GTF2A1: variants seen among roughly 807,000 people sequenced by gnomAD.
GTF2A1 encodes the protein transcription initiation factor IIA subunit 1.
In GTF2A1, 12 loss-of-function variants were observed where a neutral mutation model predicts 54.1. The observed-to-expected ratio is 0.22, with a 90% CI of 0.14 to 0.36. The LOEUF (loss-of-function observed/expected upper bound fraction) is 0.36. GTF2A1 is among the 10% of genes least tolerant of loss of function. The pLI is 1.00. For synonymous variants in GTF2A1, 145 were observed against 152.0 expected, an observed-to-expected ratio of 0.95 and a Z score of 0.34; for missense variants, 335 against 442.2, an observed-to-expected ratio of 0.76 and a Z score of 2.17.
chr14:81,191,644 T>A (rs1435193171), intron 7 of GTF2A1, among the ~76,000 whole-genome samples: 1 of 152,086 alleles, frequency 6.6e-6, no homozygotes, highest in East Asian at 1.9e-4. Context: ...ATAAAAGCAA[T>A]TAATAATCAA....
chr14:81,218,819 G>A (rs1463945890), intron 1 of GTF2A1, among the ~76,000 whole-genome samples: 1 of 150,218 alleles, frequency 6.7e-6, no homozygotes, highest in Non-Finnish European at 1.5e-5. Flanking sequence ...CTAGTTTGCA[G>A]TCTGTCTCTT....
chr14:81,209,170 CAT>C (rs550381690), intron 2 of GTF2A1, among the ~76,000 whole-genome samples: 4 of 152,162 alleles, frequency 2.6e-5, no homozygotes, highest in African/African-American at 7.2e-5. Context: ...AGAATTCCCA[CAT>C]GTTGTGGGAG....
intron 2 of GTF2A1, among the ~76,000 whole-genome samples, chr14:81,205,906 A>G (rs1321370348): frequency 6.6e-6 from 1 of 152,198 alleles, no homozygotes; most frequent in Non-Finnish European, 1.5e-5. Context: ...AAAACACATT[A>G]TGACTAATGT....
chr14:81,216,861 C>T (rs954552878), intron 1 of GTF2A1, among the ~76,000 whole-genome samples: 5 of 152,150 alleles, frequency 3.3e-5, no homozygotes, highest in African/African-American at 1.2e-4. Flanking sequence ...TTGGTTTGAA[C>T]TCTGTTGTAT....
At chr14:81,203,230 C>T (rs1201704441) in intron 3 of GTF2A1, among the ~76,000 whole-genome samples, 2 of 152,300 alleles carry the variant, frequency 1.3e-5, no homozygotes, top group Non-Finnish European at 2.9e-5. Flanking sequence ...GAAACAGTAT[C>T]TATAAAATGA....
intron 7 of GTF2A1, among the ~76,000 whole-genome samples, chr14:81,187,701 A>G (rs954884035): frequency 6.6e-6 from 1 of 152,218 alleles, no homozygotes; most frequent in African/African-American, 2.4e-5. Context: ...CATTCTTCTT[A>G]TGGCTAAATA....
chr14:81,219,813 CTTT>C (rs561864246), intron 1 of GTF2A1, among the ~76,000 whole-genome samples: 1 of 152,110 alleles, frequency 6.6e-6, no homozygotes, highest in Non-Finnish European at 1.5e-5. Context: ...CCACTGCAGG[CTTT>C]TTTTGTTTGT....
chr14:81,214,689 T>A (rs1311406459), intron 2 of GTF2A1, among the ~76,000 whole-genome samples: 2 of 152,164 alleles, frequency 1.3e-5, no homozygotes, highest in Admixed American at 1.3e-4. Context: ...AGCTTTTCTG[T>A]ATGTGAATTA....
intron 2 of GTF2A1, chr14:81,210,016 C>CTACT: frequency 2.3e-6 from 1 of 433,060 alleles, no homozygotes; most frequent in Non-Finnish European, 4.2e-6. Flanking sequence ...ACATTTTCGG[C>CTACT]AGGACAATTC....
At chr14:81,196,916 A>T (rs976774286) in intron 5 of GTF2A1, among the ~76,000 whole-genome samples, 4 of 152,232 alleles carry the variant, frequency 2.6e-5, no homozygotes, top group Admixed American at 2.6e-4. Flanking sequence ...TATAATCAAG[A>T]TTATAGGGAA....
chr14:81,196,020 T>C, intron 6 of GTF2A1, 88 bp downstream of exon 6: 5 of 1,171,474 alleles, frequency 4.3e-6, no homozygotes, highest in Non-Finnish European at 6.3e-6. Flanking sequence ...AAGAGTCTTT[T>C]GTGCATATAA....
At chr14:81,192,371 TA>T (rs1263827200) in intron 7 of GTF2A1, 147 bp downstream of exon 7, 2 of 624,632 alleles carry the variant, frequency 3.2e-6, no homozygotes, top group African/African-American at 1.9e-5. Context: ...TTACTAAAGT[TA>T]AAACAATCTA....
In GTF2A1 at chr14:81,180,341, A is replaced by C. The variant is rs757160994; in HGVS notation, c.1024-11T>G. 22 of 1,124,906 alleles carry C rather than the reference A, an allele frequency of 2.0e-5. No individual in the cohort carries two copies. The highest frequency in any genetic ancestry group is 2.8e-5 in the Non-Finnish European group (21 of 750,220). 69.7% of individuals were successfully genotyped at this position (1,124,906 alleles called of 1,614,324 possible). ...TTTACTTCTGTGTATCTAAACAAAA[A>C]CAACATTTTAAAAATTGAGAGATAC... On this transcript the variant is annotated splice_polypyrimidine_tract_variant and intron_variant, in intron 8 of 8. Coordinates refer to ENST00000553612, the MANE Select transcript of GTF2A1 (RefSeq NM_015859.4).
intron 1 of GTF2A1, among the ~76,000 whole-genome samples, chr14:81,218,655 G>A (rs1325377956): frequency 2.6e-5 from 4 of 151,850 alleles, no homozygotes; most frequent in Non-Finnish European, 5.9e-5. Flanking sequence ...TAAATCAGAG[G>A]GCCACTAGTG....
At chr14:81,203,794 T>G (rs113197250) in intron 3 of GTF2A1, 106 bp downstream of exon 3, 3 of 922,390 alleles carry the variant, frequency 3.3e-6, no homozygotes. Flanking sequence ...AGGTTCTCCA[T>G]GTGCCCCTTA....
At chr14:81,209,824 C>G in intron 2 of GTF2A1, 1 of 719,012 alleles carries the variant, frequency 1.4e-6, no homozygotes, top group Non-Finnish European at 2.1e-6. Context: ...GAAAAGCCAT[C>G]ACTCACTGCC....
At chr14:81,201,264 C>G (rs1336845213) in intron 4 of GTF2A1, among the ~76,000 whole-genome samples, 1 of 152,182 alleles carries the variant, frequency 6.6e-6, no homozygotes. Context: ...TTCCCACCCT[C>G]TTGCAATTAC....
intron 2 of GTF2A1, among the ~76,000 whole-genome samples, chr14:81,208,823 G>A (rs1186857435): frequency 1.3e-5 from 2 of 152,172 alleles, no homozygotes; most frequent in East Asian, 1.9e-4. Flanking sequence ...ACTGGATTTC[G>A]GACTTATATG....
Position 81,177,871 on chromosome 14 carries a change from G to C in GTF2A1, c.*2352C>G, listed in dbSNP as rs536984747. ...CATGCTATTTGATTAAAAAGGACAC[G>C]ATGCAAATAATATATAAGAGCACAA... On this transcript the variant is annotated 3_prime_UTR_variant, in exon 9 of 9. Transcript: ENST00000553612. 1 of 152,098 alleles carries C rather than the reference G, an allele frequency of 6.6e-6. No homozygotes were observed. The highest frequency in any genetic ancestry group is 1.5e-5 in the Non-Finnish European group (1 of 67,966). The allele number at this position is 152,098 out of a possible 1,614,324, so 9.4% of individuals were successfully genotyped here.
Sources: allele counts gnomAD v4.1 joint callset (sites outside exome capture counted in the v4.1 genomes callset), GRCh38; gene constraint gnomAD v4.1.1; transcripts MANE v1.5; gene names NCBI Gene and HGNC (gene_info 2026-07-23, HGNC 2026-07-21).